Variants in QSER1 observed in about 807,000 individuals in gnomAD.
QSER1 encodes glutamine and serine rich 1.
Under a neutral mutation model 158.5 loss-of-function variants are expected in QSER1, and 49 were observed. That is an observed-to-expected ratio of 0.31 (90% confidence interval 0.25 to 0.39). QSER1 has a LOEUF of 0.39. QSER1 is among the 10% of genes least tolerant of loss of function. The pLI is 1.00. For synonymous variants in QSER1, 650 were observed against 715.5 expected, an observed-to-expected ratio of 0.91 and a Z score of 1.46; for missense variants, 1,754 against 2,010.3, an observed-to-expected ratio of 0.87 and a Z score of 2.44.
intron 4 of QSER1, among the ~76,000 whole-genome samples, chr11:32,952,519 G>C (rs1852439795): frequency 6.6e-6 from 1 of 152,106 alleles, no homozygotes; most frequent in African/African-American, 2.4e-5. Flanking sequence ...GTATTTCATT[G>C]TGGGTTTTTG....
At position 32,931,864 on chromosome 11, in the gene QSER1, T is replaced by C; in HGVS notation, c.606T>C (p.Ala202=). 6.2e-7 allele frequency: 1 copy of C among 1,614,228 alleles called. No individual in the cohort carries two copies. Among genetic ancestry groups the C allele is most frequent in the Admixed American group, 1.7e-5 (1 of 60,026 alleles). ...CCACCTTCAGCAATAGAAACTTTGC[T>C]ACCACTTCACCTTTGGTGCTTCAGG... is the stretch of plus-strand genomic sequence containing the variant. ...HPTTFSNRNF[A]TTSPLVLQDS... Residue 202 remains alanine, a synonymous_variant, in exon 4 of 13, where the codon GCT becomes GCC. Coordinates refer to ENST00000650167, the MANE Select transcript of QSER1 (RefSeq NM_001076786.3).
intron 1 of QSER1, among the ~76,000 whole-genome samples, chr11:32,898,597 T>G (rs1156928631): frequency 1.3e-5 from 2 of 152,122 alleles, no homozygotes; most frequent in African/African-American, 4.8e-5. Flanking sequence ...TCTTTTTTAT[T>G]TTTTCTTGAG....
intron 1 of QSER1, among the ~76,000 whole-genome samples, chr11:32,920,547 T>C (rs1031873269): frequency 6.6e-5 from 10 of 152,230 alleles, no homozygotes; most frequent in African/African-American, 2.4e-4. Context: ...AAAATTTTTG[T>C]GCTGTACATG....
At chr11:32,902,580 G>A (rs761262670) in intron 1 of QSER1, among the ~76,000 whole-genome samples, 1 of 152,260 alleles carries the variant, frequency 6.6e-6, no homozygotes, top group South Asian at 2.1e-4. Flanking sequence ...TTGTTCCAAC[G>A]CTTCTGTTTT....
At chr11:32,895,285 G>C (rs7129588) in intron 1 of QSER1, among the ~76,000 whole-genome samples, 7,631 of 152,042 alleles carry the variant, frequency 0.05, 623 homozygotes, top group African/African-American at 0.17. Context: ...AAAAATAAGC[G>C]GTGGGGGGAA....
intron 8 of QSER1, 82 bp downstream of exon 8, chr11:32,958,168 A>G: frequency 1.8e-6 from 2 of 1,103,804 alleles, no homozygotes; most frequent in Non-Finnish European, 2.6e-6. Context: ...GACAATTCAA[A>G]ATGTATTTAC....
rs1307810495 is a variant in QSER1 at position 32,893,765 on chromosome 11, G to C, written c.209+431G>C. Among the ~76,000 whole-genome samples the C allele has an allele frequency of 9.2e-5, 14 of 152,202 alleles. No individual in the cohort carries two copies. Among genetic ancestry groups the C allele is most frequent in the African/African-American group, 2.4e-5 (1 of 41,444 alleles). ...ACAATGCGGTCTTGGGGACTCCGGC[G>C]TGTGAGGGTTGCGGAGGCGGGAGAG... On this transcript the variant is annotated intron_variant, in intron 1 of 12. Transcript: ENST00000650167. This position sits in a 1 kb window ranked among gnomAD's most constrained non-coding sequence, Gnocchi z 4.7.
At chr11:32,906,113 T>G (rs573677150) in intron 1 of QSER1, among the ~76,000 whole-genome samples, 2 of 151,334 alleles carry the variant, frequency 1.3e-5, no homozygotes, top group East Asian at 3.9e-4. Flanking sequence ...AGTTTTTTTT[T>G]TTTTTTTTTT....
rs145491580 is a variant in QSER1, at chr11:32,920,614, A to G, written c.210-6543A>G. 5.3e-5 allele frequency among the ~76,000 whole-genome samples: 8 copies of G among 152,324 alleles called. 1 individual carries two copies. In the East Asian group the frequency reaches 1.5e-3, roughly 29 times the overall value. On this transcript the variant is annotated intron_variant, in intron 1 of 12. Coordinates refer to ENST00000650167, the MANE Select transcript of QSER1 (RefSeq NM_001076786.3). ...AATGGAAAACAATGTTAAAAATCAG[A>G]TTTATCGGGGATTTGTATCCAGCAT... is the stretch of plus-strand genomic sequence containing the variant.
intron 1 of QSER1, among the ~76,000 whole-genome samples, chr11:32,905,481 A>G (rs146775049): frequency 2.0e-4 from 31 of 152,376 alleles, no homozygotes; most frequent in Non-Finnish European, 4.0e-4. Context: ...GACTGGTGGA[A>G]TGATGTCAAA....
At chr11:32,965,990 T>C (rs1448532150) in intron 8 of QSER1, among the ~76,000 whole-genome samples, 1 of 35,194 alleles carries the variant, frequency 2.8e-5, no homozygotes, top group African/African-American at 6.8e-5. Context: ...CACACACGAA[T>C]CACCTAGGAA....
intron 9 of QSER1, among the ~76,000 whole-genome samples, chr11:32,966,644 G>A (rs1179704250): frequency 1.3e-5 from 2 of 152,116 alleles, no homozygotes; most frequent in South Asian, 2.1e-4. Context: ...TTCTACTCAT[G>A]GGAAAATTGT....
At chr11:32,897,852 G>C (rs893128537) in intron 1 of QSER1, among the ~76,000 whole-genome samples, 1 of 152,176 alleles carries the variant, frequency 6.6e-6, no homozygotes, top group Non-Finnish European at 1.5e-5. Context: ...CATCTCAGTA[G>C]TCATACCTCT....
At chr11:32,911,565 T>C (rs73474587) in intron 1 of QSER1, among the ~76,000 whole-genome samples, 35,657 of 152,106 alleles carry the variant, frequency 0.23, 5,266 homozygotes, top group African/African-American at 0.41. Context: ...GAGACCTTGA[T>C]GTGGAAGGTA....
intron 8 of QSER1, among the ~76,000 whole-genome samples, chr11:32,965,985 A>ACACACACACACACACACACC (rs1852738488): frequency 6.7e-6 from 1 of 149,584 alleles, no homozygotes; most frequent in Non-Finnish European, 1.5e-5. Context: ...ACACACACAC[A>ACACACACACACACACACACC]CGAATCACCT....
chr11:32,966,441 C>T lies in QSER1; in HGVS notation c.5107+4C>T. 1 of 1,611,004 alleles carries T rather than the reference C, an allele frequency of 6.2e-7. No individual in the cohort carries two copies. On this transcript the variant is annotated splice_donor_region_variant and intron_variant, in intron 9 of 12. Transcript: ENST00000650167. ...CAAGCCTTAGAGAAGAGCAATGGTA[C>T]AGTCTTCTAAGTAGTACTTCCTTGG...
In QSER1 at chr11:32,955,964, A is replaced by G. The variant is rs551200931; in HGVS notation, c.4618-24A>G. ...TTGTATCTAGATTGTTCAATTATGT[A>G]ACTCAAAGTGTTTCCTTCCTCAGTA... is the stretch of plus-strand genomic sequence containing the variant. On this transcript the variant is annotated intron_variant, in intron 6 of 12. Coordinates refer to ENST00000650167, the MANE Select transcript of QSER1 (RefSeq NM_001076786.3). 5.0e-6 allele frequency: 8 copies of G among 1,588,274 alleles called. No individual in the cohort carries two copies. In the East Asian group the frequency reaches 1.8e-4, roughly 36 times the overall value.
chr11:32,973,294 A>T lies in QSER1; in HGVS notation c.5206-103A>T, dbSNP rs528684111. The stretch of plus-strand genomic sequence containing the variant: ...TTGTGTGCACACACACCTCTCTGCA[A>T]ATAGGTGTTTGTGTGCACACACACT... On this transcript the variant is annotated intron_variant, in intron 10 of 12. Transcript: ENST00000650167. The T allele has an allele frequency of 3.3e-6, 4 of 1,198,264 alleles. No individual in the cohort carries two copies. In the African/African-American group the frequency reaches 6.1e-5, roughly 18 times the overall value. 74.2% of individuals were successfully genotyped at this position (1,198,264 alleles called of 1,614,324 possible).
At chr11:32,954,360 CCTTAA>C (rs1195793361) in intron 5 of QSER1, among the ~76,000 whole-genome samples, 181 bp downstream of exon 5, 1 of 152,104 alleles carries the variant, frequency 6.6e-6, no homozygotes, top group African/African-American at 2.4e-5. Context: ...ATAATTTTAA[CCTTAA>C]CTTAGTTGTA....
Sources: gnomAD v4.1 joint callset for allele counts (sites outside exome capture counted in the v4.1 genomes callset) on GRCh38, gnomAD v4.1.1 for gene constraint, Gnocchi (gnomAD v3.1) non-coding constraint, MANE v1.5 for transcripts, NCBI Gene and HGNC (gene_info 2026-07-23, HGNC 2026-07-21) for gene names.